The following WWC1 variants were observed in gnomAD, a reference collection of about 807,000 sequenced individuals.
WWC1 encodes the protein protein KIBRA.
A neutral mutation model predicts 138.4 loss-of-function variants in WWC1; 55 were observed. The ratio of observed to expected loss-of-function variants is 0.40; its 90% CI spans 0.32 to 0.50. The LOEUF (loss-of-function observed/expected upper bound fraction) is 0.50, where lower values mean the gene tolerates loss of function less well. WWC1 is among the 20% of genes least tolerant of loss of function. The pLI, the probability that WWC1 is intolerant of heterozygous loss-of-function variation, is 0.72. For synonymous variants in WWC1, 524 were observed against 564.9 expected (o/e 0.93, Z 1.03); for missense variants, 1,226 against 1,420.4 (o/e 0.86, Z 2.20).
rs77341703 is a variant in WWC1 at position 168,431,142 on chromosome 5, A to G, written c.2088-110A>G. The stretch of plus-strand genomic sequence containing the variant: ...ATTCCCCAGATTCCTCACTTCTACA[A>G]ACTCTCATCCACTGTTGTTTGCTTA... On this transcript the variant is annotated intron_variant, in intron 14 of 22. Transcript: ENST00000265293. 5,374 of 980,094 alleles carry G rather than the reference A, an allele frequency of 5.5e-3. 188 individuals carry two copies. In the African/African-American group the frequency reaches 0.075, roughly 14 times the overall value. The allele number at this position is 980,094 out of a possible 1,614,324, so 60.7% of individuals were successfully genotyped here. A position where few individuals can be genotyped will look rare whatever the true frequency, so the allele number is the denominator to read the frequency against.
chr5:168,431,280 T>A lies in WWC1; in HGVS notation c.2116T>A (p.Ser706Thr), dbSNP rs1258069664. The change falls in exon 15 of 23, where the codon TCT (serine) becomes ACT (threonine). Residue 706 changes from serine to threonine, a missense_variant. By Grantham distance (58) the Ser-to-Thr change is moderately conservative. Around this residue, in one of 3 missense-constraint regions of WWC1, gnomAD observed 1,016 missense variants for 1,153.9 expected, o/e 0.88. Coordinates refer to ENST00000265293, the MANE Select transcript of WWC1 (RefSeq NM_015238.3). ...VNIRVAVLPC[S>T]ESTTCLFRTR... is the part of the protein sequence containing the mutation. Reference sequence around the variant, plus strand: ...TATCCGCGTGGCTGTCCTTCCTTGCTCTGAAAGCACAACCTGCCTGTTCCG... The same window carrying A: ...TATCCGCGTGGCTGTCCTTCCTTGCACTGAAAGCACAACCTGCCTGTTCCG... The A allele has an allele frequency of 6.2e-7, 1 of 1,613,988 alleles. No homozygotes were observed. The highest frequency in any genetic ancestry group is 8.5e-7 in the Non-Finnish European group (1 of 1,179,962).
intron 1 of WWC1, among the ~76,000 whole-genome samples, chr5:168,300,863 A>C (rs989731239): frequency 6.6e-6 from 1 of 152,214 alleles, no homozygotes; most frequent in African/African-American, 2.4e-5. Context: ...TAAAATGTCA[A>C]GATGCAGGCA....
intron 1 of WWC1, among the ~76,000 whole-genome samples, chr5:168,362,908 A>G (rs1775985654): frequency 6.6e-6 from 1 of 152,172 alleles, no homozygotes; most frequent in Non-Finnish European, 1.5e-5. Flanking sequence ...TTTGGGGTGG[A>G]GGAACCGTCT....
chr5:168,411,575 C>G (rs1780237292), intron 8 of WWC1: 1 of 152,180 alleles, frequency 6.6e-6, no homozygotes, highest in South Asian at 2.1e-4. Context: ...CAGACTCAGT[C>G]TCTCTCCTTT....
chr5:168,393,551 A>C (rs2152826662), intron 3 of WWC1, among the ~76,000 whole-genome samples: 1 of 152,266 alleles, frequency 6.6e-6, no homozygotes, highest in Non-Finnish European at 1.5e-5. Context: ...GGGCCGAATA[A>C]GGCTATTTTC....
At chr5:168,321,534 CTTTT>C (rs575822782) in intron 1 of WWC1, among the ~76,000 whole-genome samples, 2 of 137,768 alleles carry the variant, frequency 1.5e-5, no homozygotes, top group African/African-American at 2.6e-5. Flanking sequence ...GGGCAATATC[CTTTT>C]TTTTTTTTTT....
chr5:168,395,320 C>G (rs1261344499), intron 3 of WWC1, among the ~76,000 whole-genome samples: 1 of 152,198 alleles, frequency 6.6e-6, no homozygotes, highest in Non-Finnish European at 1.5e-5. Context: ...CGCCCCACAC[C>G]CCTTGAGGAC....
chr5:168,337,404 G>A (rs1479584565), intron 1 of WWC1, among the ~76,000 whole-genome samples: 1 of 152,126 alleles, frequency 6.6e-6, no homozygotes, highest in African/African-American at 2.4e-5. Context: ...GAAACAGCTG[G>A]CAATGTCAAG....
intron 6 of WWC1, among the ~76,000 whole-genome samples, chr5:168,407,350 A>G (rs544428520): frequency 1.1e-4 from 16 of 152,340 alleles, no homozygotes; most frequent in African/African-American, 3.4e-4. Context: ...TCAGAGAGGA[A>G]GCTAGAGCGG....
intron 1 of WWC1, among the ~76,000 whole-genome samples, chr5:168,367,464 T>C (rs1230489763): frequency 6.6e-6 from 1 of 150,932 alleles, no homozygotes; most frequent in Non-Finnish European, 1.5e-5. Flanking sequence ...CCCGAGTAGC[T>C]GGGACTACAG....
chr5:168,316,467 G>A (rs1033993565), intron 1 of WWC1, among the ~76,000 whole-genome samples: 7 of 152,182 alleles, frequency 4.6e-5, no homozygotes, highest in Non-Finnish European at 8.8e-5. Context: ...GGCTGGCTCC[G>A]GGCAGGGTGG....
chr5:168,306,270 C>G (rs898277157), intron 1 of WWC1, among the ~76,000 whole-genome samples: 1 of 152,112 alleles, frequency 6.6e-6, no homozygotes, highest in African/African-American at 2.4e-5. Flanking sequence ...GTGGCACACT[C>G]CTGTAATACC....
intron 8 of WWC1, among the ~76,000 whole-genome samples, chr5:168,412,469 A>C (rs2152842196): frequency 6.6e-6 from 1 of 152,322 alleles, no homozygotes; most frequent in South Asian, 2.1e-4. Flanking sequence ...TGACATAGGG[A>C]AAGAGAAAGT....
chr5:168,433,447 C>G (rs1273963765), intron 15 of WWC1, among the ~76,000 whole-genome samples: 4 of 152,266 alleles, frequency 2.6e-5, no homozygotes, highest in African/African-American at 9.6e-5. Flanking sequence ...CACAGCATCA[C>G]TGCTATTGAT....
intron 1 of WWC1, among the ~76,000 whole-genome samples, chr5:168,319,258 A>T (rs1460621987): frequency 6.6e-6 from 1 of 152,044 alleles, no homozygotes; most frequent in Non-Finnish European, 1.5e-5. Flanking sequence ...CATCTCTACT[A>T]AAGATACAAA....
intron 1 of WWC1, among the ~76,000 whole-genome samples, chr5:168,338,023 T>C (rs57814885): frequency 0.026 from 3,933 of 152,084 alleles, 180 homozygotes; most frequent in African/African-American, 0.089. Context: ...CTAAATGCAG[T>C]GGGAAGGCCA....
intron 3 of WWC1, among the ~76,000 whole-genome samples, chr5:168,390,292 G>A (rs908003724): frequency 1.1e-4 from 17 of 152,004 alleles, no homozygotes; most frequent in Admixed American, 8.5e-4. Flanking sequence ...TAGTTCATTC[G>A]CATTGTAAAT....
chr5:168,460,287 G>A (rs1756693536), intron 19 of WWC1, among the ~76,000 whole-genome samples: 1 of 152,196 alleles, frequency 6.6e-6, no homozygotes. Flanking sequence ...CAGCCCTGCT[G>A]TGCGGCTGAC....
intron 1 of WWC1, among the ~76,000 whole-genome samples, chr5:168,301,494 CAGGCG>C (rs1770070593): frequency 6.6e-6 from 1 of 152,042 alleles, no homozygotes; most frequent in Non-Finnish European, 1.5e-5. Flanking sequence ...AAAAATTAGC[CAGGCG>C]TGGTAGCAGG....
Sources: gnomAD v4.1 joint callset for allele counts (sites outside exome capture counted in the v4.1 genomes callset) on GRCh38, gnomAD v4.1.1 for gene constraint, gnomAD v4.1.1 regional missense constraint, MANE v1.5 for transcripts, NCBI Gene and HGNC (gene_info 2026-07-23, HGNC 2026-07-21) for gene names.